The following ZNF709 variants were observed in gnomAD, a reference collection of about 807,000 sequenced individuals.
ZNF709 encodes the protein zinc finger protein 709.
Under a neutral mutation model 10.6 loss-of-function variants are expected in ZNF709, and 15 were observed. That is an observed-to-expected ratio of 1.41 (90% CI 0.95 to 2.18). The LOEUF (loss-of-function observed/expected upper bound fraction) is 2.18, where lower values mean the gene tolerates loss of function less well. Among genes scored for constraint, ZNF709 ranks in the 30% most tolerant of loss-of-function variants. The pLI is 0.00. For missense variants in ZNF709, 589 were observed against 774.0 expected (o/e 0.76, Z 2.84); for synonymous variants, 194 against 238.8 (o/e 0.81, Z 1.73).
intron 1 of ZNF709, among the ~76,000 whole-genome samples, chr19:12,472,654 G>A (rs1242635774): frequency 2.0e-5 from 3 of 152,096 alleles, no homozygotes; most frequent in Admixed American, 1.3e-4. Context: ...AGGTCGAGGC[G>A]AGCAGATCAC....
intron 1 of ZNF709, among the ~76,000 whole-genome samples, chr19:12,468,454 G>A (rs1406776987): frequency 6.6e-6 from 1 of 151,826 alleles, no homozygotes; most frequent in African/African-American, 2.4e-5. Context: ...TGGATTAAGG[G>A]CGGTGCAAGA....
intron 1 of ZNF709, among the ~76,000 whole-genome samples, chr19:12,468,816 C>T (rs1330941467): frequency 6.6e-6 from 1 of 151,974 alleles, no homozygotes; most frequent in Non-Finnish European, 1.5e-5. Flanking sequence ...ACTCAGCATC[C>T]CATGAAACAC....
chr19:12,464,341 A>G lies in ZNF709; in HGVS notation c.1581T>C (p.Thr527=), dbSNP rs1053249298. 1 of 1,611,340 alleles carries G rather than the reference A, an allele frequency of 6.2e-7. No individual in the cohort carries two copies. The highest frequency in any genetic ancestry group is 8.5e-7 in the Non-Finnish European group (1 of 1,178,750). ...SSFRMHERTH[T]GEKPYECKQC... ...GTTTACATTCATAGGGTTTCTCCCC[A>G]GTGTGAGTCCTTTCATGCATTCGAA... Residue 527 remains threonine (T), a synonymous_variant, in exon 4 of 4, where the codon ACT becomes ACC. Coordinates refer to ENST00000397732, the MANE Select transcript of ZNF709 (RefSeq NM_152601.4).
At chr19:12,469,457 T>C (rs1465284449) in intron 1 of ZNF709, among the ~76,000 whole-genome samples, 1 of 152,102 alleles carries the variant, frequency 6.6e-6, no homozygotes, top group African/African-American at 2.4e-5. Context: ...GAAAAAGGCA[T>C]GGCAACTTAG....
At chr19:12,483,799 AAGTG>A (rs1970752616) in intron 1 of ZNF709, among the ~76,000 whole-genome samples, 1 of 152,194 alleles carries the variant, frequency 6.6e-6, no homozygotes, top group Non-Finnish European at 1.5e-5. Flanking sequence ...AGAATCAATT[AAGTG>A]AGTAAATCTT....
At chr19:12,465,961 G>C (rs1970567352) in intron 3 of ZNF709, among the ~76,000 whole-genome samples, 1 of 140,792 alleles carries the variant, frequency 7.1e-6, no homozygotes, top group Non-Finnish European at 1.5e-5. Flanking sequence ...TTTTTTTTGA[G>C]ACAGAGTCTT....
chr19:12,467,710 G>C (rs889634759), intron 1 of ZNF709, among the ~76,000 whole-genome samples: 2 of 151,526 alleles, frequency 1.3e-5, no homozygotes, highest in African/African-American at 2.4e-5. Flanking sequence ...GTCTCTGCCC[G>C]GCGGCCCATC....
Position 12,468,155 on chromosome 19 carries a change from G to A in ZNF709, c.4-1305C>T, listed in dbSNP as rs1488472299. On this transcript the variant is annotated intron_variant, in intron 1 of 3. Transcript: ENST00000397732. ...CTGGCCGCCCCTTCTGGGAAGTGAGGAGCCCCTCTGCCCGGCCACCACCCC... is the reference window on the plus strand; with the variant it reads ...CTGGCCGCCCCTTCTGGGAAGTGAGAAGCCCCTCTGCCCGGCCACCACCCC... 2.0e-5 allele frequency among the ~76,000 whole-genome samples: 3 copies of A among 152,090 alleles called. No individual in the cohort carries two copies. The East Asian group carries it at 5.8e-4, about 29-fold the overall frequency.
At chr19:12,480,184 C>T (rs1970712314) in intron 1 of ZNF709, among the ~76,000 whole-genome samples, 1 of 151,824 alleles carries the variant, frequency 6.6e-6, no homozygotes, top group Admixed American at 6.6e-5. Flanking sequence ...AAACTTAATA[C>T]TTTAAGCACT....
rs1303546888 is a variant in ZNF709, at chr19:12,469,047, A to G, written c.4-2197T>C. ...AGTAGAGACGGGGTTTCACTATGTT[A>G]GCCAGGATGGTCTCGATCTCCTGAC... On this transcript the variant is annotated intron_variant, in intron 1 of 3. Coordinates refer to ENST00000397732, the MANE Select transcript of ZNF709 (RefSeq NM_152601.4). 2.0e-5 allele frequency among the ~76,000 whole-genome samples: 3 copies of G among 152,248 alleles called. No homozygotes were observed. The East Asian group carries it at 5.8e-4, about 29-fold the overall frequency.
chr19:12,482,570 C>T (rs1384040211), intron 1 of ZNF709, among the ~76,000 whole-genome samples: 1 of 152,138 alleles, frequency 6.6e-6, no homozygotes, highest in Non-Finnish European at 1.5e-5. Flanking sequence ...CCTTTACAGA[C>T]TTTCTCACTA....
intron 1 of ZNF709, among the ~76,000 whole-genome samples, chr19:12,483,434 G>A (rs908434022): frequency 1.1e-4 from 17 of 151,802 alleles, no homozygotes; most frequent in African/African-American, 3.4e-4. Flanking sequence ...GATTACAGGC[G>A]TGAGCCAACG....
chr19:12,480,123 C>G (rs190037551), intron 1 of ZNF709, among the ~76,000 whole-genome samples: 1 of 151,680 alleles, frequency 6.6e-6, no homozygotes, highest in African/African-American at 2.4e-5. Context: ...CCACTGTACT[C>G]TAACTAGGAC....
chr19:12,474,571 T>C (rs1375930730), intron 1 of ZNF709, among the ~76,000 whole-genome samples: 1 of 152,200 alleles, frequency 6.6e-6, no homozygotes, highest in Non-Finnish European at 1.5e-5. Context: ...ATGTAGCAAT[T>C]CCTTTTCTAA....
Position 12,464,014 on chromosome 19 carries a change from T to G in ZNF709, c.1908A>C (p.Arg636Ser), listed in dbSNP as rs773300615. 5 of 1,491,264 alleles carry G rather than the reference T, an allele frequency of 3.4e-6. No individual in the cohort carries two copies. Among genetic ancestry groups the G allele is most frequent in the Non-Finnish European group, 4.5e-6 (5 of 1,122,440 alleles). 92.4% of individuals were successfully genotyped at this position (1,491,264 alleles called of 1,614,324 possible). A position where few individuals can be genotyped will look rare whatever the true frequency, so the allele number is the denominator to read the frequency against. The change falls in exon 4 of 4, where the codon AGA (arginine) becomes AGC (serine). Residue 636 changes from arginine to serine, a missense_variant. Coordinates refer to ENST00000397732, the MANE Select transcript of ZNF709 (RefSeq NM_152601.4). ...KCSRSFRIHERVHSGE is the reference protein window; with the variant it reads ...KCSRSFRIHESVHSGE ...CATAGGGTTACTCTCCACTATGAAC[T>G]CTTTCATGTATTCGAAAGGAACGGG...
chr19:12,465,604 C>T lies in ZNF709; in HGVS notation c.318G>A (p.Val106=). ...FTRVKPYECS[V]CGKDYMCHSS... The stretch of plus-strand genomic sequence containing the variant: ...AATGACACATATAGTCCTTTCCACA[C>T]ACACTACATTCATATGGTTTTACTC... The change falls in exon 4 of 4, where the codon GTG becomes GTA. Residue 106 remains valine (V), a synonymous_variant. Coordinates refer to ENST00000397732, the MANE Select transcript of ZNF709 (RefSeq NM_152601.4). 1 of 1,613,946 alleles carries T rather than the reference C, an allele frequency of 6.2e-7. No homozygotes were observed. Among genetic ancestry groups the T allele is most frequent in the Non-Finnish European group, 8.5e-7 (1 of 1,179,994 alleles).
chr19:12,463,860 G>C lies in ZNF709; in HGVS notation c.*136C>G. 1 of 641,416 alleles carries C rather than the reference G, an allele frequency of 1.6e-6. No individual in the cohort carries two copies. Among genetic ancestry groups the C allele is most frequent in the Admixed American group, 3.4e-5 (1 of 29,840 alleles). 39.7% of individuals were successfully genotyped at this position (641,416 alleles called of 1,614,324 possible). ...GAGAATCGCTTGAACCCAGGAGACA[G>C]AGGTTGCAGTGAGCTGAGATCACTC... is the stretch of plus-strand genomic sequence containing the variant. On this transcript the variant is annotated 3_prime_UTR_variant, in exon 4 of 4. Coordinates refer to ENST00000397732, the MANE Select transcript of ZNF709 (RefSeq NM_152601.4).
intron 1 of ZNF709, among the ~76,000 whole-genome samples, chr19:12,476,097 A>C (rs1970676025): frequency 6.6e-6 from 1 of 152,218 alleles, no homozygotes; most frequent in Non-Finnish European, 1.5e-5. Flanking sequence ...CACAGAACTA[A>C]ATGTAAAATC....
chr19:12,466,934 A>C, intron 1 of ZNF709, 84 bp from the exon 2 acceptor site: 1 of 1,498,560 alleles, frequency 6.7e-7, no homozygotes, highest in Non-Finnish European at 8.9e-7. Flanking sequence ...AAGTTCATAT[A>C]TAATTTTCTC....
Sources: gnomAD v4.1 joint callset for allele counts (sites outside exome capture counted in the v4.1 genomes callset) on GRCh38, gnomAD v4.1.1 for gene constraint, MANE v1.5 for transcripts, NCBI Gene and HGNC (gene_info 2026-07-23, HGNC 2026-07-21) for gene names.